The following TRHDE variants were observed in gnomAD, a reference collection of about 807,000 sequenced individuals.
TRHDE encodes the protein thyrotropin-releasing hormone-degrading ectoenzyme.
Under a neutral mutation model 125.7 loss-of-function variants are expected in TRHDE, and 72 were observed. That is an observed-to-expected ratio of 0.57 (90% CI 0.47 to 0.70). The LOEUF (loss-of-function observed/expected upper bound fraction) is 0.70. TRHDE is among the 30% of genes least tolerant of loss of function. The probability of loss-of-function intolerance (pLI) is 0.00; values close to 1 mark genes in which losing one functional copy is unlikely to be tolerated. For synonymous variants in TRHDE, 509 were observed against 509.1 expected, an observed-to-expected ratio of 1.00 and a Z score of 0.00; for missense variants, 1,110 against 1,327.1, an observed-to-expected ratio of 0.84 and a Z score of 2.54.
intron 2 of TRHDE, among the ~76,000 whole-genome samples, chr12:72,376,098 A>T (rs1375756933): frequency 6.6e-6 from 1 of 152,128 alleles, no homozygotes; most frequent in African/African-American, 2.4e-5. Flanking sequence ...CCCCTTGGTA[A>T]CCAGTAGCCA....
chr12:72,515,446 G>C (rs1878801986), intron 6 of TRHDE, among the ~76,000 whole-genome samples: 1 of 151,750 alleles, frequency 6.6e-6, no homozygotes, highest in Admixed American at 6.6e-5. Flanking sequence ...CTTTTGAGAA[G>C]TGTCTGTTCA....
Position 72,113,555 on chromosome 12 carries a change from C to T in TRHDE, n.279+7803C>T, listed in dbSNP as rs138946226. Among the ~76,000 whole-genome samples, 76 of 152,102 alleles carry T rather than the reference C, an allele frequency of 5.0e-4. No individual in the cohort carries two copies. The East Asian group carries it at 0.014, about 27-fold the overall frequency. ...TCAAGTGATCCTCCTGCCTCAGCCT[C>T]CCAAAGTACTGAAATTATAGGCATG... On this transcript the variant is annotated intron_variant and non_coding_transcript_variant, in intron 2 of 4. Coordinates refer to the TRHDE transcript ENST00000548156.
At chr12:72,419,269 A>G (rs1486066431) in intron 3 of TRHDE, among the ~76,000 whole-genome samples, 1 of 152,208 alleles carries the variant, frequency 6.6e-6, no homozygotes, top group Non-Finnish European at 1.5e-5. Context: ...TGCTAGAGAA[A>G]AAATGTAAAA....
chr12:72,340,390 A>T (rs574053075), intron 2 of TRHDE, among the ~76,000 whole-genome samples: 2 of 152,288 alleles, frequency 1.3e-5, no homozygotes, highest in South Asian at 4.1e-4. Flanking sequence ...TCTAGCACAC[A>T]TTTCACTTTT....
At chr12:72,587,109 A>G (rs1434943472) in intron 12 of TRHDE, among the ~76,000 whole-genome samples, 1 of 152,148 alleles carries the variant, frequency 6.6e-6, no homozygotes, top group African/African-American at 2.4e-5. Flanking sequence ...TGAGGGAAAT[A>G]TTACTTATCC....
At chr12:72,193,156 G>GA (rs146051964) in intron 2 of TRHDE, among the ~76,000 whole-genome samples, 3 of 151,394 alleles carry the variant, frequency 2.0e-5, no homozygotes, top group Non-Finnish European at 4.4e-5. Flanking sequence ...AACATATAAA[G>GA]AAAAAAAAGT....
At chr12:72,522,644 C>G (rs1868268859) in intron 6 of TRHDE, among the ~76,000 whole-genome samples, 1 of 152,138 alleles carries the variant, frequency 6.6e-6, no homozygotes, top group South Asian at 2.1e-4. Flanking sequence ...TTCCTCTTAA[C>G]TTTTTAAGAG....
intron 2 of TRHDE, among the ~76,000 whole-genome samples, chr12:72,299,351 A>G (rs570664038): frequency 1.3e-5 from 2 of 152,210 alleles, no homozygotes; most frequent in Non-Finnish European, 2.9e-5. Context: ...CTTCCTTATC[A>G]GACCAGATGG....
intron 2 of TRHDE, among the ~76,000 whole-genome samples, chr12:72,200,233 A>G (rs1877528382): frequency 1.3e-5 from 2 of 152,214 alleles, no homozygotes; most frequent in South Asian, 2.1e-4. Flanking sequence ...TTGAAAGCCA[A>G]ACAGGTTTGT....
At chr12:72,633,669 CT>C (rs1873592102) in intron 15 of TRHDE, among the ~76,000 whole-genome samples, 1 of 152,048 alleles carries the variant, frequency 6.6e-6, no homozygotes, top group Non-Finnish European at 1.5e-5. Flanking sequence ...TCTGTATCCT[CT>C]TTGCTAGGGG....
chr12:72,514,950 C>T (rs1273284876), intron 6 of TRHDE, among the ~76,000 whole-genome samples: 2 of 149,872 alleles, frequency 1.3e-5, no homozygotes, highest in Admixed American at 6.7e-5. Flanking sequence ...ATCCATGTCC[C>T]TACAAAGGAC....
At chr12:72,471,522 G>C (rs1183232741) in intron 4 of TRHDE, among the ~76,000 whole-genome samples, 2 of 152,088 alleles carry the variant, frequency 1.3e-5, no homozygotes, top group African/African-American at 4.8e-5. Flanking sequence ...GTATTTGTAG[G>C]CCACTTACTA....
intron 6 of TRHDE, among the ~76,000 whole-genome samples, chr12:72,527,965 C>G (rs1868367894): frequency 6.6e-6 from 1 of 152,100 alleles, no homozygotes; most frequent in African/African-American, 2.4e-5. Context: ...AAGGCTAACA[C>G]TATGCTCAAC....
chr12:72,643,102 T>C (rs1301875480), intron 15 of TRHDE, among the ~76,000 whole-genome samples: 1 of 152,176 alleles, frequency 6.6e-6, no homozygotes, highest in African/African-American at 2.4e-5. Context: ...GAACTTTAGA[T>C]TGATTCATCT....
Position 72,273,036 on chromosome 12 carries a change from C to A in TRHDE, c.393C>A (p.Arg131=), listed in dbSNP as rs747190700. The change falls in exon 1 of 19, where the codon CGC becomes CGA. Residue 131 remains arginine (R), a synonymous_variant. Coordinates refer to ENST00000261180, the MANE Select transcript of TRHDE (RefSeq NM_013381.3). The surrounding 1 kb of genome is among the most constrained non-coding windows in gnomAD (Gnocchi z 5.3). ...GTGGCCCCTCAGGCTTTCCGGAGCG[C>A]GGCGGCAACGGGAGCCTCCCTGGAT... is the stretch of plus-strand genomic sequence containing the variant. ...ADGGPSGFPE[R]GGNGSLPGSA... The A allele has an allele frequency of 6.5e-7, 1 of 1,537,064 alleles. No homozygotes were observed. Among genetic ancestry groups the A allele is most frequent in the South Asian group, 1.2e-5 (1 of 84,248 alleles).
chr12:72,128,440 C>A, intron 2 of TRHDE, among the ~76,000 whole-genome samples: 1 of 152,088 alleles, frequency 6.6e-6, no homozygotes, highest in East Asian at 1.9e-4. Flanking sequence ...TGCAAAGAAG[C>A]AGGACAACAT....
At chr12:72,403,132 G>A (rs1340492487) in intron 3 of TRHDE, among the ~76,000 whole-genome samples, 2 of 152,132 alleles carry the variant, frequency 1.3e-5, no homozygotes, top group African/African-American at 2.4e-5. Flanking sequence ...GCACACATGG[G>A]CCTCTCTCAG....
At chr12:72,456,405 T>G (rs1875855563) in intron 3 of TRHDE, among the ~76,000 whole-genome samples, 1 of 152,184 alleles carries the variant, frequency 6.6e-6, no homozygotes, top group Admixed American at 6.6e-5. Context: ...ATGTGTATAT[T>G]AGAGTACTGG....
chr12:72,353,448 A>G (rs1303741221), intron 2 of TRHDE, among the ~76,000 whole-genome samples: 1 of 151,736 alleles, frequency 6.6e-6, no homozygotes, highest in East Asian at 1.9e-4. Context: ...TAAAAAATAT[A>G]GTAAAAGATA....
Sources: allele counts gnomAD v4.1 joint callset (sites outside exome capture counted in the v4.1 genomes callset), GRCh38; gene constraint gnomAD v4.1.1; non-coding constraint Gnocchi (gnomAD v3.1); transcripts MANE v1.5; gene names NCBI Gene and HGNC (gene_info 2026-07-23, HGNC 2026-07-21).